Variants in DNAH11 observed in about 807,000 individuals in gnomAD.
DNAH11 encodes axonemal beta dynein heavy chain 11.
A neutral mutation model predicts 526.0 loss-of-function variants in DNAH11; 442 were observed. That is an observed-to-expected ratio of 0.84 (90% CI 0.78 to 0.91). The LOEUF (loss-of-function observed/expected upper bound fraction) is 0.91. DNAH11 is among the 40% of genes least tolerant of loss of function. DNAH11 has a pLI of 0.00. For missense variants in DNAH11, 6,989 were observed against 5,448.7 expected (o/e 1.28, Z -8.90); for synonymous variants, 2,461 against 1,935.9 (o/e 1.27, Z -7.12).
chr7:21,655,868 G>A lies in DNAH11; in HGVS notation c.4981G>A (p.Ala1661Thr). Reference sequence around the variant, plus strand: ...CCTTGCCAAACTTTTCGACAGCATTGCAGATCTGCAGTTTGAAGACAATCA... The same window carrying A: ...CCTTGCCAAACTTTTCGACAGCATTACAGATCTGCAGTTTGAAGACAATCA... ...CHLAKLFDSI[A>T]DLQFEDNQDV... Residue 1661 changes from alanine (A) to threonine (T), a missense_variant, in exon 29 of 82, where the codon GCA becomes ACA. Physicochemically the swap from Ala to Thr is moderately conservative, Grantham distance 58 (BLOSUM62 0). Coordinates refer to ENST00000409508, the MANE Select transcript of DNAH11 (RefSeq NM_001277115.2). 3 of 1,613,248 alleles carry A rather than the reference G, an allele frequency of 1.9e-6. No individual in the cohort carries two copies. The South Asian group carries it at 3.3e-5, about 18-fold the overall frequency.
At chr7:21,681,461 A>G in intron 30 of DNAH11, 85 bp from the exon 31 acceptor site, 2 of 1,393,908 alleles carry the variant, frequency 1.4e-6, no homozygotes, top group African/African-American at 2.9e-5. Context: ...AAACTAAATC[A>G]GCCTTTACAA....
rs371992181 is a variant in DNAH11 at position 21,845,134 on chromosome 7, G to A, written c.10896+2386G>A. On this transcript the variant is annotated intron_variant, in intron 66 of 81. Coordinates refer to ENST00000409508, the MANE Select transcript of DNAH11 (RefSeq NM_001277115.2). ...TATTCTGAATGTCAGACTCTTATTG[G>A]ATATGTGACTTATAAAAATTTTCTC... is the stretch of plus-strand genomic sequence containing the variant. Among the ~76,000 whole-genome samples, 8 of 152,150 alleles carry A rather than the reference G, an allele frequency of 5.3e-5. 1 individual carries two copies. Among genetic ancestry groups the A allele is most frequent in the African/African-American group, 1.9e-4 (8 of 41,512 alleles).
At position 21,702,836 on chromosome 7, in the gene DNAH11, G is replaced by A. The variant is rs151006416; in HGVS notation, c.6273+34G>A. ...ATGCTAATATGATTTTGTTGAGTGAGTAGCTGGCCTGCTTCACAGACATGA... is the reference window on the plus strand; with the variant it reads ...ATGCTAATATGATTTTGTTGAGTGAATAGCTGGCCTGCTTCACAGACATGA... On this transcript the variant is annotated intron_variant, in intron 37 of 81. Transcript: ENST00000409508. The A allele has an allele frequency of 4.1e-5, 65 of 1,569,530 alleles. No individual in the cohort carries two copies. The African/African-American group carries it at 7.7e-4, about 19-fold the overall frequency.
At chr7:21,605,997 A>G (rs1785264886) in intron 18 of DNAH11, among the ~76,000 whole-genome samples, 1 of 152,174 alleles carries the variant, frequency 6.6e-6, no homozygotes, top group South Asian at 2.1e-4. Flanking sequence ...ATTATATAAG[A>G]ATGAAGAGAT....
chr7:21,772,221 G>A (rs980667138), intron 55 of DNAH11, among the ~76,000 whole-genome samples: 1 of 152,140 alleles, frequency 6.6e-6, no homozygotes, highest in South Asian at 2.1e-4. Context: ...CAGCTCTACC[G>A]GAAACCACTT....
intron 62 of DNAH11, among the ~76,000 whole-genome samples, chr7:21,804,097 GTTTTGTTT>G (rs1188289000): frequency 6.2e-5 from 9 of 146,212 alleles, no homozygotes; most frequent in Non-Finnish European, 1.2e-4. Context: ...GTTTTGTTTT[GTTTTGTTT>G]TGTTTTGTTT....
intron 56 of DNAH11, among the ~76,000 whole-genome samples, chr7:21,775,249 A>C (rs989449240): frequency 1.3e-5 from 2 of 152,132 alleles, no homozygotes; most frequent in Admixed American, 6.5e-5. Context: ...GGATCAAGTG[A>C]TATTAAGAAT....
chr7:21,679,349 G>A lies in DNAH11; in HGVS notation c.5329-2197G>A, dbSNP rs1436405747. The stretch of plus-strand genomic sequence containing the variant: ...GGCACCTATAATTAATAATAACGTA[G>A]TGTATACTTGAAATTTGCTAAGAGA... On this transcript the variant is annotated intron_variant, in intron 30 of 81. Coordinates refer to ENST00000409508, the MANE Select transcript of DNAH11 (RefSeq NM_001277115.2). Among the ~76,000 whole-genome samples the A allele has an allele frequency of 3.9e-5, 6 of 152,160 alleles. 1 individual carries two copies. The highest frequency in any genetic ancestry group is 2.6e-4 in the Admixed American group (4 of 15,276).
rs561590069 is a variant in DNAH11, at chr7:21,613,135, T to C, written c.3853-1979T>C. Among the ~76,000 whole-genome samples the C allele has an allele frequency of 5.9e-5, 9 of 151,400 alleles. No individual in the cohort carries two copies. The South Asian group carries it at 1.9e-3, about 31-fold the overall frequency. Reference sequence around the variant, plus strand: ...AAAAAAATAGTGTGTATTCATATAATGTAGTACTATGCAGTAGGGGAAATG... The same window carrying C: ...AAAAAAATAGTGTGTATTCATATAACGTAGTACTATGCAGTAGGGGAAATG... On this transcript the variant is annotated intron_variant, in intron 20 of 81. Transcript: ENST00000409508.
chr7:21,805,321 G>T (rs888411638), intron 62 of DNAH11, among the ~76,000 whole-genome samples: 2 of 152,040 alleles, frequency 1.3e-5, no homozygotes, highest in African/African-American at 4.8e-5. Context: ...TGAAATATGA[G>T]CTTCGCAAGA....
intron 48 of DNAH11, among the ~76,000 whole-genome samples, chr7:21,740,423 T>C (rs928754072): frequency 4.6e-5 from 7 of 152,192 alleles, no homozygotes; most frequent in Non-Finnish European, 1.0e-4. Flanking sequence ...TTCTACTTTC[T>C]GTGTCTATGA....
At chr7:21,714,829 T>C (rs751548372) in intron 42 of DNAH11, among the ~76,000 whole-genome samples, 2 of 152,168 alleles carry the variant, frequency 1.3e-5, no homozygotes, top group Admixed American at 6.5e-5. Flanking sequence ...TATATGAAAG[T>C]AAGTTGGAGA....
chr7:21,733,855 G>A (rs536145728), intron 45 of DNAH11, among the ~76,000 whole-genome samples: 124 of 151,898 alleles, frequency 8.2e-4, no homozygotes, highest in Non-Finnish European at 1.2e-3. Context: ...ATATATATAC[G>A]GAGAAACAGG....
chr7:21,896,726 T>C (rs1489390919), intron 79 of DNAH11, among the ~76,000 whole-genome samples: 7 of 152,172 alleles, frequency 4.6e-5, no homozygotes, highest in Admixed American at 1.3e-4. Context: ...CTGGGTGATC[T>C]TCATTATATC....
At position 21,584,130 on chromosome 7, in the gene DNAH11, T is replaced by C. The variant is rs146236309; in HGVS notation, c.1710+2109T>C. 5.3e-3 allele frequency among the ~76,000 whole-genome samples: 804 copies of C among 152,318 alleles called. 15 individuals are homozygous for C. The highest frequency in any genetic ancestry group is 0.018 in the African/African-American group (763 of 41,580). ...TCTTCTATAAAGACACATGCACACATATGTTTATTGCAGCACTGTTCACAG... is the reference window on the plus strand; with the variant it reads ...TCTTCTATAAAGACACATGCACACACATGTTTATTGCAGCACTGTTCACAG... On this transcript the variant is annotated intron_variant, in intron 9 of 81. Transcript: ENST00000409508.
chr7:21,721,335 T>C (rs1388253153), intron 44 of DNAH11, among the ~76,000 whole-genome samples: 2 of 152,210 alleles, frequency 1.3e-5, no homozygotes, highest in African/African-American at 4.8e-5. Flanking sequence ...ACCTGTGAAA[T>C]AGCTGCCAAC....
At chr7:21,718,575 G>A (rs1784758776) in intron 43 of DNAH11, among the ~76,000 whole-genome samples, 1 of 152,080 alleles carries the variant, frequency 6.6e-6, no homozygotes, top group African/African-American at 2.4e-5. Flanking sequence ...AAGAGTGAGG[G>A]TTACACATAA....
intron 44 of DNAH11, among the ~76,000 whole-genome samples, chr7:21,723,897 C>T (rs908931226): frequency 9.9e-5 from 15 of 152,188 alleles, no homozygotes; most frequent in African/African-American, 3.6e-4. Context: ...CTCTGTTATT[C>T]TCACTTACAG....
intron 64 of DNAH11, 101 bp downstream of exon 64, chr7:21,816,803 A>G (rs1354513694): frequency 1.1e-6 from 1 of 889,344 alleles, no homozygotes; most frequent in African/African-American, 1.7e-5. Context: ...CACCACATTG[A>G]TGTATTACAA....
Sources: gnomAD v4.1 joint callset for allele counts (sites outside exome capture counted in the v4.1 genomes callset) on GRCh38, gnomAD v4.1.1 for gene constraint, MANE v1.5 for transcripts, NCBI Gene and HGNC (gene_info 2026-07-23, HGNC 2026-07-21) for gene names.